The following ERBB4 variants were observed in gnomAD, a reference collection of about 807,000 sequenced individuals.
The protein encoded by ERBB4 is erb-b2 receptor tyrosine kinase 4.
ERBB4 carries 42 observed loss-of-function variants against 158.0 expected under a neutral mutation model. That is an observed-to-expected ratio of 0.27 (90% CI 0.21 to 0.34). ERBB4 has a LOEUF of 0.34. Among genes scored for constraint, ERBB4 ranks in the 10% least tolerant of loss-of-function variants. The probability of loss-of-function intolerance (pLI) is 1.00; values close to 1 mark genes in which losing one functional copy is unlikely to be tolerated. For missense variants in ERBB4, 1,333 were observed against 1,624.1 expected (o/e 0.82, Z 3.08); for synonymous variants, 583 against 558.7 (o/e 1.04, Z -0.61).
At chr2:211,869,937 T>A (rs184134679) in intron 3 of ERBB4, among the ~76,000 whole-genome samples, 552 of 152,300 alleles carry the variant, frequency 3.6e-3, no homozygotes, top group African/African-American at 0.013. Context: ...GATTGCTGGT[T>A]ATAATTACCT....
chr2:212,538,084 G>A (rs1025681089), intron 1 of ERBB4, among the ~76,000 whole-genome samples: 2 of 152,162 alleles, frequency 1.3e-5, no homozygotes, highest in African/African-American at 2.4e-5. Flanking sequence ...TTCTGCCCTC[G>A]GGGACCCGAC....
At chr2:211,672,038 T>C (rs2071862617) in intron 14 of ERBB4, among the ~76,000 whole-genome samples, 1 of 152,150 alleles carries the variant, frequency 6.6e-6, no homozygotes, top group Admixed American at 6.6e-5. Context: ...TCCAAGCTAA[T>C]CATCCTTGTG....
Position 212,521,483 on chromosome 2 carries a change from A to G in ERBB4, c.82+16966T>C, listed in dbSNP as rs1692158245. Among the ~76,000 whole-genome samples the G allele has an allele frequency of 2.0e-5, 3 of 152,032 alleles. No individual in the cohort carries two copies. The South Asian group carries it at 6.2e-4, about 32-fold the overall frequency. Reference sequence around the variant, plus strand: ...ACACAAAAGTCAAGTTCAAATTATGAAAAAGAGAAAGTTCATGCTCTTCTC... The same window carrying G: ...ACACAAAAGTCAAGTTCAAATTATGGAAAAGAGAAAGTTCATGCTCTTCTC... On this transcript the variant is annotated intron_variant, in intron 1 of 27. Transcript: ENST00000342788.
At chr2:212,343,170 T>G (rs941463698) in intron 1 of ERBB4, among the ~76,000 whole-genome samples, 1 of 152,168 alleles carries the variant, frequency 6.6e-6, no homozygotes, top group Non-Finnish European at 1.5e-5. Context: ...CAACATTTCC[T>G]TGACCCGCTG....
At chr2:212,474,976 T>G (rs932765461) in intron 1 of ERBB4, among the ~76,000 whole-genome samples, 4 of 151,832 alleles carry the variant, frequency 2.6e-5, no homozygotes, top group Non-Finnish European at 5.9e-5. Context: ...ACTCCTGGCC[T>G]TAAAAGGTCC....
intron 3 of ERBB4, among the ~76,000 whole-genome samples, chr2:211,931,441 A>C (rs530117772): frequency 6.6e-6 from 1 of 151,990 alleles, no homozygotes; most frequent in African/African-American, 2.4e-5. Flanking sequence ...TTCAGTTCCC[A>C]TGTGCTCAGA....
intron 3 of ERBB4, among the ~76,000 whole-genome samples, chr2:211,913,617 ATATGTGTGTGTG>A (rs2079597900): frequency 5.1e-5 from 6 of 118,432 alleles, no homozygotes; most frequent in Admixed American, 9.2e-5. Context: ...ATATATATAT[ATATGTGTGTGTG>A]TGTGTGTGTG....
At chr2:211,416,388 T>C (rs1246572269) in intron 25 of ERBB4, among the ~76,000 whole-genome samples, 1 of 152,142 alleles carries the variant, frequency 6.6e-6, no homozygotes, top group East Asian at 1.9e-4. Context: ...TCGAAAATAT[T>C]AGGCAGCATG....
intron 1 of ERBB4, among the ~76,000 whole-genome samples, chr2:212,280,953 T>C (rs2085733926): frequency 6.6e-6 from 1 of 151,662 alleles, no homozygotes; most frequent in South Asian, 2.1e-4. Context: ...CACACTTGGT[T>C]TTGTACTGTC....
chr2:212,262,183 A>T (rs2084969866), intron 1 of ERBB4, among the ~76,000 whole-genome samples: 1 of 152,186 alleles, frequency 6.6e-6, no homozygotes, highest in African/African-American at 2.4e-5. Flanking sequence ...CATTCAAATC[A>T]TAAAAGTAGA....
At chr2:211,615,781 T>C (rs2069363638) in intron 19 of ERBB4, among the ~76,000 whole-genome samples, 1 of 152,148 alleles carries the variant, frequency 6.6e-6, no homozygotes, top group Admixed American at 6.6e-5. Context: ...TTGTGTTATT[T>C]ATTATAATAA....
At chr2:212,167,912 G>A (rs1051991836) in intron 1 of ERBB4, among the ~76,000 whole-genome samples, 2 of 151,986 alleles carry the variant, frequency 1.3e-5, no homozygotes, top group African/African-American at 4.8e-5. Flanking sequence ...ACACAGGAAG[G>A]GAAACAACAC....
chr2:212,173,980 G>A (rs539373575), intron 1 of ERBB4, among the ~76,000 whole-genome samples: 11 of 152,230 alleles, frequency 7.2e-5, no homozygotes, highest in Admixed American at 5.9e-4. Flanking sequence ...GAGGAAGTGA[G>A]TCTGACTGTA....
At chr2:212,521,204 A>G (rs908820884) in intron 1 of ERBB4, among the ~76,000 whole-genome samples, 6 of 151,984 alleles carry the variant, frequency 3.9e-5, no homozygotes, top group African/African-American at 1.2e-4. Context: ...TTAAAAAACA[A>G]TAAGGATGAA....
chr2:212,198,792 C>T (rs1453090646), intron 1 of ERBB4, among the ~76,000 whole-genome samples: 4 of 143,586 alleles, frequency 2.8e-5, no homozygotes, highest in Admixed American at 2.1e-4. Context: ...CCATGTTGGC[C>T]AGGCTGGTCT....
chr2:211,709,358 T>C (rs1012079223), intron 9 of ERBB4, among the ~76,000 whole-genome samples: 2 of 150,402 alleles, frequency 1.3e-5, no homozygotes, highest in Non-Finnish European at 3.0e-5. Flanking sequence ...AGAGTTTTAA[T>C]AATTATGTTC....
chr2:211,833,716 T>C (rs1424765486), intron 3 of ERBB4, among the ~76,000 whole-genome samples: 1 of 151,920 alleles, frequency 6.6e-6, no homozygotes, highest in African/African-American at 2.4e-5. Flanking sequence ...ATTAGCATAA[T>C]TGTTCAAGCA....
chr2:211,740,304 T>C (rs1385131335), intron 5 of ERBB4, among the ~76,000 whole-genome samples: 1 of 152,164 alleles, frequency 6.6e-6, no homozygotes, highest in Non-Finnish European at 1.5e-5. Context: ...TTGTATGTTT[T>C]TATAACTCAT....
Position 211,580,821 on chromosome 2 carries a change from A to AT in ERBB4, c.2302-18734dup, listed in dbSNP as rs1333226944. 2.8e-3 allele frequency among the ~76,000 whole-genome samples: 50 copies of AT among 17,582 alleles called. 6 individuals are homozygous for AT. The Middle Eastern group carries it at 0.17, about 59-fold the overall frequency. 11.5% of individuals were successfully genotyped at this position (17,582 alleles called of 152,430 possible). A position where few individuals can be genotyped will look rare whatever the true frequency, so the allele number is the denominator to read the frequency against. On this transcript the variant is annotated intron_variant, in intron 19 of 27. Transcript: ENST00000342788. Reference sequence around the variant, plus strand: ...ATATATATATATATATAATATATATATATTATATATATAGATTATATATTA... The same window carrying AT: ...ATATATATATATATATAATATATATATTATTATATATATAGATTATATATTA...
Sources: allele counts gnomAD v4.1 joint callset (sites outside exome capture counted in the v4.1 genomes callset), GRCh38; gene constraint gnomAD v4.1.1; transcripts MANE v1.5; gene names NCBI Gene and HGNC (gene_info 2026-07-23, HGNC 2026-07-21).